The following RANBP2 variants were observed in gnomAD, a reference collection of about 807,000 sequenced individuals.
RANBP2 encodes RAN binding protein 2, also known as E3 SUMO-protein ligase RanBP2.
A neutral mutation model predicts 303.6 loss-of-function variants in RANBP2; 57 were observed. The ratio of observed to expected loss-of-function variants is 0.19; its 90% CI spans 0.15 to 0.23. The LOEUF is 0.23. RANBP2 is among the 10% of genes least tolerant of loss of function. The pLI is 1.00. For synonymous variants in RANBP2, 1,167 were observed against 1,301.5 expected, an observed-to-expected ratio of 0.90 and a Z score of 2.23; for missense variants, 3,138 against 3,780.8, an observed-to-expected ratio of 0.83 and a Z score of 4.46.
chr2:108,726,058 C>T (rs988939946), intron 1 of RANBP2, among the ~76,000 whole-genome samples: 15 of 152,056 alleles, frequency 9.9e-5, no homozygotes, highest in Non-Finnish European at 1.8e-4. Context: ...TATTGCCTTA[C>T]GTGGTTTTAC....
At chr2:109,697,574 A>G in the RANBP2 span, among the ~76,000 whole-genome samples, 6 of 151,784 alleles carry the variant, frequency 4.0e-5, no homozygotes, top group Non-Finnish European at 5.9e-5. Context: ...AGATTTTTGC[A>G]TAAATATTTT....
the RANBP2 span, chr2:109,615,017 G>A: frequency 2.6e-6 from 4 of 1,546,058 alleles, no homozygotes; most frequent in Admixed American, 7.8e-5. Context: ...GCGAGGACCT[G>A]GAGCTCCCGC....
chr2:109,258,574 C>A, the RANBP2 span, among the ~76,000 whole-genome samples: 1 of 152,150 alleles, frequency 6.6e-6, no homozygotes, highest in African/African-American at 2.4e-5. Flanking sequence ...ACTAGGAATC[C>A]AGTCAGTCAT....
At chr2:109,258,774 G>A in the RANBP2 span, among the ~76,000 whole-genome samples, 2 of 152,240 alleles carry the variant, frequency 1.3e-5, no homozygotes, top group African/African-American at 2.4e-5. Flanking sequence ...CTGCACTGCT[G>A]TTGTCCTTCC....
the RANBP2 span, among the ~76,000 whole-genome samples, chr2:109,638,815 T>C: frequency 6.6e-6 from 1 of 152,206 alleles, no homozygotes; most frequent in Non-Finnish European, 1.5e-5. Context: ...CCCACAGTTC[T>C]AAATGCCTAG....
chr2:109,280,183 A>G, the RANBP2 span, among the ~76,000 whole-genome samples: 4 of 152,186 alleles, frequency 2.6e-5, no homozygotes, highest in African/African-American at 9.7e-5. Flanking sequence ...AATTAATGTC[A>G]GTGGCCTGCA....
the RANBP2 span, among the ~76,000 whole-genome samples, chr2:108,956,977 A>G: frequency 6.6e-6 from 1 of 152,166 alleles, no homozygotes; most frequent in African/African-American, 2.4e-5. Context: ...TTTAGTAGAG[A>G]CGGGGTTTCT....
chr2:109,680,697 G>A, the RANBP2 span, among the ~76,000 whole-genome samples: 3 of 152,082 alleles, frequency 2.0e-5, no homozygotes, highest in Non-Finnish European at 2.9e-5. Flanking sequence ...CTCAGCCACC[G>A]GAATCTCACC....
chr2:108,808,295 A>G, the RANBP2 span, among the ~76,000 whole-genome samples: 2 of 151,814 alleles, frequency 1.3e-5, no homozygotes, highest in African/African-American at 2.4e-5. Context: ...TACTTTGGCT[A>G]TTGCAAATAC....
At chr2:109,728,487 G>A in the RANBP2 span, among the ~76,000 whole-genome samples, 3,536 of 150,444 alleles carry the variant, frequency 0.024, 149 homozygotes, top group African/African-American at 0.082. Context: ...ATGGAGTCTC[G>A]CTCTGTTGCC....
chr2:109,672,605 T>C, the RANBP2 span, among the ~76,000 whole-genome samples: 1 of 152,182 alleles, frequency 6.6e-6, no homozygotes, highest in African/African-American at 2.4e-5. Flanking sequence ...GTATGAACTG[T>C]TTTTTTAAGG....
At chr2:108,741,265 C>T (rs961654158) in intron 7 of RANBP2, among the ~76,000 whole-genome samples, 9 of 151,872 alleles carry the variant, frequency 5.9e-5, no homozygotes, top group African/African-American at 2.2e-4. Flanking sequence ...GGCGTGATCT[C>T]GGCTCACTGC....
At chr2:109,045,471 C>T in the RANBP2 span, among the ~76,000 whole-genome samples, 2 of 152,182 alleles carry the variant, frequency 1.3e-5, no homozygotes, top group African/African-American at 4.8e-5. Context: ...TGGTTTTCCA[C>T]AAGCCACAGT....
rs1696384374 is a variant in RANBP2 at position 108,744,763 on chromosome 2, G to A, written c.976-1948G>A. Among the ~76,000 whole-genome samples, 4 of 152,260 alleles carry A rather than the reference G, an allele frequency of 2.6e-5. No individual in the cohort carries two copies. The South Asian group carries it at 8.3e-4, about 32-fold the overall frequency. On this transcript the variant is annotated intron_variant, in intron 7 of 28. Coordinates refer to ENST00000283195, the MANE Select transcript of RANBP2 (RefSeq NM_006267.5). The stretch of plus-strand genomic sequence containing the variant: ...TTATATATACATGGTTTAAAATTCT[G>A]GCGGCTCTTAAGAATATGCTATGAA...
the RANBP2 span, among the ~76,000 whole-genome samples, chr2:109,114,310 G>A: frequency 6.6e-6 from 1 of 152,150 alleles, no homozygotes; most frequent in African/African-American, 2.4e-5. Context: ...CAATTTCAGA[G>A]CCTGTTATTG....
At chr2:109,779,946 AG>A in the RANBP2 span, among the ~76,000 whole-genome samples, 2 of 43,734 alleles carry the variant, frequency 4.6e-5, no homozygotes, top group African/African-American at 1.4e-4. Context: ...TTGGACAGCA[AG>A]GGGCTGTAGG....
At chr2:108,936,604 C>T in the RANBP2 span, among the ~76,000 whole-genome samples, 1 of 152,168 alleles carries the variant, frequency 6.6e-6, no homozygotes, top group Non-Finnish European at 1.5e-5. Context: ...CAGTACTCCC[C>T]CGCCTCCCTG....
the RANBP2 span, among the ~76,000 whole-genome samples, chr2:108,853,732 C>T: frequency 3.4e-5 from 5 of 147,380 alleles, no homozygotes; most frequent in Admixed American, 7.0e-5. Context: ...TGCCATGTTG[C>T]CCAAGCTGGT....
At chr2:108,924,209 A>AT in the RANBP2 span, among the ~76,000 whole-genome samples, 1 of 152,130 alleles carries the variant, frequency 6.6e-6, no homozygotes, top group Non-Finnish European at 1.5e-5. Context: ...CAGCTCCCCG[A>AT]TGTCACAGTG....
Sources: allele counts gnomAD v4.1 joint callset (sites outside exome capture counted in the v4.1 genomes callset), GRCh38; gene constraint gnomAD v4.1.1; transcripts MANE v1.5; gene names NCBI Gene and HGNC (gene_info 2026-07-23, HGNC 2026-07-21).